Variants in LMBR1 observed in about 807,000 individuals in gnomAD.
The protein encoded by LMBR1 is limb region 1 protein homolog.
A neutral mutation model predicts 73.9 loss-of-function variants in LMBR1; 52 were observed. That is an observed-to-expected ratio of 0.70 (90% CI 0.56 to 0.89). The LOEUF is 0.89. LMBR1 is among the 40% of genes least tolerant of loss of function. LMBR1 has a pLI of 0.00. For synonymous variants in LMBR1, 215 were observed against 209.4 expected (o/e 1.03, Z -0.23); for missense variants, 539 against 579.8 (o/e 0.93, Z 0.72).
intron 5 of LMBR1, among the ~76,000 whole-genome samples, chr7:156,794,439 T>G (rs771159182): frequency 6.6e-6 from 1 of 152,112 alleles, no homozygotes; most frequent in South Asian, 2.1e-4. Flanking sequence ...GTCACTGGGA[T>G]TTTTTGTCAT....
intron 9 of LMBR1, among the ~76,000 whole-genome samples, chr7:156,734,786 C>G (rs1045734703): frequency 6.6e-5 from 10 of 152,110 alleles, no homozygotes; most frequent in African/African-American, 2.4e-4. Context: ...AAGATCTTCT[C>G]TTCTCTATCT....
intron 15 of LMBR1, among the ~76,000 whole-genome samples, chr7:156,720,473 G>C (rs1814297421): frequency 6.6e-6 from 1 of 152,090 alleles, no homozygotes; most frequent in Admixed American, 6.6e-5. Flanking sequence ...TAGATATCAG[G>C]AATATGAGTT....
intron 16 of LMBR1, among the ~76,000 whole-genome samples, chr7:156,687,671 C>G (rs1806261603): frequency 6.6e-6 from 1 of 152,102 alleles, no homozygotes. Context: ...GTATTATTAC[C>G]AAGAGATAAG....
At chr7:156,775,047 CCTAT>C (rs1300238380) in intron 5 of LMBR1, among the ~76,000 whole-genome samples, 4 of 152,104 alleles carry the variant, frequency 2.6e-5, no homozygotes, top group African/African-American at 9.7e-5. Context: ...GAAGGATCTA[CCTAT>C]CTATCAGGTA....
At chr7:156,775,723 G>A (rs1230312318) in intron 5 of LMBR1, among the ~76,000 whole-genome samples, 1 of 152,112 alleles carries the variant, frequency 6.6e-6, no homozygotes, top group African/African-American at 2.4e-5. Context: ...TAGAGTGGGT[G>A]TGTATGACTT....
chr7:156,883,701 G>A (rs1478408479), intron 1 of LMBR1, among the ~76,000 whole-genome samples: 1 of 152,136 alleles, frequency 6.6e-6, no homozygotes, highest in Non-Finnish European at 1.5e-5. Context: ...TTTCCTTGAC[G>A]TTTCTAGCTT....
intron 5 of LMBR1, among the ~76,000 whole-genome samples, chr7:156,775,526 A>G (rs528621956): frequency 1.3e-5 from 2 of 152,368 alleles, no homozygotes; most frequent in African/African-American, 4.8e-5. Flanking sequence ...GTAAGACATT[A>G]TATCTTAAAT....
At position 156,719,189 on chromosome 7, in the gene LMBR1, T is replaced by C. The variant is rs1813946805; in HGVS notation, c.1225+4923A>G. On this transcript the variant is annotated intron_variant, in intron 15 of 16. Transcript: ENST00000353442. ...ATGTTCCCCTTCCTCTGTCCATGTG[T>C]TCTCATTGTTCAATTCCCACCTATG... Among the ~76,000 whole-genome samples, 4 of 140,528 alleles carry C rather than the reference T, an allele frequency of 2.8e-5. No homozygotes were observed. In the Admixed American group the frequency reaches 3.0e-4, roughly 10 times the overall value. 92.2% of individuals were successfully genotyped at this position (140,528 alleles called of 152,430 possible).
At chr7:156,872,757 A>G (rs1011234843) in intron 1 of LMBR1, among the ~76,000 whole-genome samples, 1 of 152,208 alleles carries the variant, frequency 6.6e-6, no homozygotes, top group Non-Finnish European at 1.5e-5. Flanking sequence ...CATTTGGAGG[A>G]AAAACGGCAG....
At chr7:156,815,048 C>T (rs963287301) in intron 4 of LMBR1, among the ~76,000 whole-genome samples, 51 of 149,434 alleles carry the variant, frequency 3.4e-4, no homozygotes, top group African/African-American at 1.2e-3. Context: ...CCCAGCTATT[C>T]GGGAGGCTGA....
chr7:156,878,269 G>C (rs1464572962), intron 1 of LMBR1, among the ~76,000 whole-genome samples: 1 of 152,206 alleles, frequency 6.6e-6, no homozygotes, highest in Non-Finnish European at 1.5e-5. Context: ...AACTGTTGCT[G>C]TTTGCTGATG....
rs529171300 is a variant in LMBR1, at chr7:156,876,557, C to G, written c.66+16371G>C. Among the ~76,000 whole-genome samples, 3 of 152,188 alleles carry G rather than the reference C, an allele frequency of 2.0e-5. No homozygotes were observed. In the South Asian group the frequency reaches 6.2e-4, roughly 32 times the overall value. ...AGCATGGAACTTTCTCCAAGACAGA[C>G]CGTATGATAGGACACAAAACAAGTC... is the stretch of plus-strand genomic sequence containing the variant. On this transcript the variant is annotated intron_variant, in intron 1 of 16. Coordinates refer to ENST00000353442, the MANE Select transcript of LMBR1 (RefSeq NM_022458.4).
At chr7:156,880,556 G>A (rs1056495568) in intron 1 of LMBR1, among the ~76,000 whole-genome samples, 34 of 151,918 alleles carry the variant, frequency 2.2e-4, no homozygotes, top group African/African-American at 8.0e-4. Context: ...CAAAGGGAAA[G>A]ACACCCTATG....
At chr7:156,868,865 C>G (rs973255999) in intron 1 of LMBR1, among the ~76,000 whole-genome samples, 1 of 151,898 alleles carries the variant, frequency 6.6e-6, no homozygotes, top group South Asian at 2.1e-4. Context: ...ACTTGAGAGG[C>G]GAGGTGGGAA....
chr7:156,703,706 G>A (rs1404555668), intron 15 of LMBR1, among the ~76,000 whole-genome samples: 2 of 152,076 alleles, frequency 1.3e-5, no homozygotes, highest in Non-Finnish European at 2.9e-5. Flanking sequence ...TACCCTTGTT[G>A]GGACTTTTGC....
intron 1 of LMBR1, among the ~76,000 whole-genome samples, chr7:156,876,106 T>G (rs568449445): frequency 2.0e-5 from 3 of 152,010 alleles, no homozygotes; most frequent in Non-Finnish European, 4.4e-5. Flanking sequence ...CACATAAACT[T>G]AAGGTAAAGG....
intron 5 of LMBR1, among the ~76,000 whole-genome samples, chr7:156,795,068 T>G (rs1302504588): frequency 1.3e-5 from 2 of 152,110 alleles, no homozygotes; most frequent in African/African-American, 4.8e-5. Context: ...CACCCTCATC[T>G]CTCACCATTC....
chr7:156,772,342 A>G (rs771109404), intron 5 of LMBR1, among the ~76,000 whole-genome samples: 2 of 152,210 alleles, frequency 1.3e-5, no homozygotes, highest in Non-Finnish European at 2.9e-5. Flanking sequence ...ACATCCCTTC[A>G]TGTTAAAAAC....
chr7:156,702,773 T>C (rs1013422567), intron 15 of LMBR1, among the ~76,000 whole-genome samples: 4 of 152,098 alleles, frequency 2.6e-5, no homozygotes, highest in African/African-American at 9.7e-5. Context: ...CCCCAAGGAG[T>C]TGAAATCTTT....
Sources: gnomAD v4.1 joint callset for allele counts (sites outside exome capture counted in the v4.1 genomes callset) on GRCh38, gnomAD v4.1.1 for gene constraint, MANE v1.5 for transcripts, NCBI Gene and HGNC (gene_info 2026-07-23, HGNC 2026-07-21) for gene names.